PBRM1: variants seen among roughly 807,000 people sequenced by gnomAD.
The protein encoded by PBRM1 is polybromo 1.
A neutral mutation model predicts 194.5 loss-of-function variants in PBRM1; 27 were observed. The ratio of observed to expected loss-of-function variants is 0.14; its 90% CI spans 0.10 to 0.19. PBRM1 has a LOEUF of 0.19. Among genes scored for constraint, PBRM1 ranks in the 10% least tolerant of loss-of-function variants. The probability of loss-of-function intolerance (pLI) is 1.00; values close to 1 mark genes in which losing one functional copy is unlikely to be tolerated. For synonymous variants in PBRM1, 655 were observed against 693.2 expected, an observed-to-expected ratio of 0.94 and a Z score of 0.87; for missense variants, 1,466 against 2,077.2, an observed-to-expected ratio of 0.71 and a Z score of 5.72.
In PBRM1 at chr3:52,674,641, A is replaced by ATAT. The variant is rs1286851215; in HGVS notation, c.236+3858_236+3859insATA. Reference sequence around the variant, plus strand: ...CCTGTCTCTACCAAAAAAAAAAAAAAAAATATATATATATATATATATATA... The same window carrying ATAT: ...CCTGTCTCTACCAAAAAAAAAAAAAATATAAATATATATATATATATATATATA... On this transcript the variant is annotated intron_variant, in intron 2 of 29. Transcript: ENST00000296302. Among the ~76,000 whole-genome samples the ATAT allele has an allele frequency of 1.1e-4, 8 of 76,086 alleles. No homozygotes were observed. In the East Asian group the frequency reaches 1.3e-3, roughly 13 times the overall value. The allele number at this position is 76,086 out of a possible 152,430, so 49.9% of individuals were successfully genotyped here.
At chr3:52,559,448 T>A (rs2082935180) in intron 25 of PBRM1, among the ~76,000 whole-genome samples, 1 of 152,100 alleles carries the variant, frequency 6.6e-6, no homozygotes, top group African/African-American at 2.4e-5. Context: ...TCACCATTCA[T>A]AAATAGAAGA....
intron 17 of PBRM1, among the ~76,000 whole-genome samples, chr3:52,592,691 C>T (rs2093205578): frequency 6.6e-6 from 1 of 152,154 alleles, no homozygotes; most frequent in Non-Finnish European, 1.5e-5. Flanking sequence ...GGGGAGGAGT[C>T]CTTTCTCCTC....
chr3:52,613,287 T>C (rs1185854931), intron 15 of PBRM1, among the ~76,000 whole-genome samples: 3 of 151,702 alleles, frequency 2.0e-5, no homozygotes, highest in Non-Finnish European at 4.4e-5. Context: ...TGCCACGATT[T>C]TGACAAATGA....
chr3:52,561,667 A>C, intron 25 of PBRM1, 100 bp downstream of exon 27: 1 of 1,016,028 alleles, frequency 9.8e-7, no homozygotes, highest in Non-Finnish European at 1.5e-6. Context: ...ATAAAAGTTC[A>C]TGTGCAAGTG....
intron 11 of PBRM1, among the ~76,000 whole-genome samples, chr3:52,630,117 C>T (rs2095569369): frequency 6.6e-6 from 1 of 152,014 alleles, no homozygotes; most frequent in Non-Finnish European, 1.5e-5. Context: ...TCAATACCCT[C>T]AAACAGACAG....
rs1560999707 is a variant in PBRM1, at chr3:52,668,796, A to AG, written c.237-152_237-151insC. The AG allele has an allele frequency of 5.3e-4, 231 of 433,476 alleles. 2 individuals are homozygous for AG. The highest frequency in any genetic ancestry group is 7.1e-4 in the Non-Finnish European group (180 of 254,652). 26.9% of individuals were successfully genotyped at this position (433,476 alleles called of 1,614,324 possible). A position where few individuals can be genotyped will look rare whatever the true frequency, so the allele number is the denominator to read the frequency against. Reference sequence around the variant, plus strand: ...TTGAAGCTTACTTAAAAAAAAAAAAAAAAGAAAAAAATCTGCAAAAAAAGA... The same window carrying AG: ...TTGAAGCTTACTTAAAAAAAAAAAAAGAAAGAAAAAAATCTGCAAAAAAAGA... On this transcript the variant is annotated intron_variant, in intron 2 of 29. Coordinates refer to ENST00000296302, the Ensembl canonical transcript of PBRM1.
At chr3:52,585,830 C>T (rs1427284388) in intron 20 of PBRM1, 2 of 152,042 alleles carry the variant, frequency 1.3e-5, no homozygotes, top group African/African-American at 4.8e-5. Context: ...TGGCCTTCTT[C>T]CACATTTTGT....
intron 17 of PBRM1, among the ~76,000 whole-genome samples, chr3:52,594,320 T>C (rs1560177533): frequency 6.6e-6 from 1 of 152,228 alleles, no homozygotes; most frequent in Non-Finnish European, 1.5e-5. Flanking sequence ...CCCTTTACCA[T>C]TATGTAGTGC....
intron 2 of PBRM1, among the ~76,000 whole-genome samples, chr3:52,676,136 A>T (rs1439136822): frequency 4.8e-5 from 6 of 123,890 alleles, no homozygotes; most frequent in African/African-American, 1.2e-4. Context: ...AAAAAAAAAA[A>T]AAAAAAAAAA....
chr3:52,648,823 C>T (rs900948175), intron 6 of PBRM1, among the ~76,000 whole-genome samples: 2 of 152,136 alleles, frequency 1.3e-5, no homozygotes. Flanking sequence ...CAAAACTCCC[C>T]CTAGTTACAT....
chr3:52,618,633 T>C (rs1169470438), intron 13 of PBRM1, among the ~76,000 whole-genome samples: 2 of 150,992 alleles, frequency 1.3e-5, no homozygotes, highest in African/African-American at 2.4e-5. Flanking sequence ...CCGCTCTTGT[T>C]GCCCAGGCTT....
chr3:52,604,686 CCTGT>C (rs1367166833), intron 16 of PBRM1, among the ~76,000 whole-genome samples: 1 of 151,332 alleles, frequency 6.6e-6, no homozygotes, highest in Non-Finnish European at 1.5e-5. Flanking sequence ...AGAGCAAGAC[CCTGT>C]CTGTTAAAAA....
intron 10 of PBRM1, among the ~76,000 whole-genome samples, chr3:52,637,785 A>AAAAAAAAAAAAAAAAAAAAAT (rs1304235339): frequency 6.9e-6 from 1 of 145,190 alleles, no homozygotes; most frequent in African/African-American, 2.5e-5. Flanking sequence ...AAAAAAAAAA[A>AAAAAAAAAAAAAAAAAAAAAT]AAAAAAAAAA....
chr3:52,615,529 A>T, intron 14 of PBRM1, 73 bp from the exon 17 acceptor site: 1 of 919,102 alleles, frequency 1.1e-6, no homozygotes, highest in Admixed American at 1.9e-5. Flanking sequence ...TCCATAAAGA[A>T]GTTTTAAAAA....
chr3:52,566,146 C>T (rs192706151), intron 22 of PBRM1, among the ~76,000 whole-genome samples: 31 of 151,840 alleles, frequency 2.0e-4, no homozygotes, highest in African/African-American at 7.2e-4. Context: ...TACTTCACAC[C>T]CCATTAAGAT....
At chr3:52,674,065 T>C (rs2097022678) in intron 2 of PBRM1, among the ~76,000 whole-genome samples, 1 of 150,816 alleles carries the variant, frequency 6.6e-6, no homozygotes. Context: ...AAAAAATATA[T>C]ATATAGATAT....
intron 22 of PBRM1, 35 bp from the exon 25 acceptor site, chr3:52,564,268 A>G: frequency 1.4e-6 from 2 of 1,463,706 alleles, no homozygotes; most frequent in South Asian, 2.3e-5. Context: ...TTAAAGGAGT[A>G]AACTGTGGTC....
chr3:52,675,301 C>T (rs543991740), intron 2 of PBRM1, among the ~76,000 whole-genome samples: 1 of 152,294 alleles, frequency 6.6e-6, no homozygotes, highest in South Asian at 2.1e-4. Flanking sequence ...AGAACTAACA[C>T]ACCAAGCCTT....
chr3:52,669,742 T>C (rs913800110), intron 2 of PBRM1, among the ~76,000 whole-genome samples: 6 of 152,200 alleles, frequency 3.9e-5, no homozygotes, highest in African/African-American at 9.7e-5. Flanking sequence ...TAGTACTTTT[T>C]TTCTGAACCA....
Sources: gnomAD v4.1 joint callset for allele counts (sites outside exome capture counted in the v4.1 genomes callset) on GRCh38, gnomAD v4.1.1 for gene constraint, MANE v1.5 for transcripts, NCBI Gene and HGNC (gene_info 2026-07-23, HGNC 2026-07-21) for gene names.